RGS6: variants seen among roughly 807,000 people sequenced by gnomAD.
The protein encoded by RGS6 is regulator of G-protein signaling 6.
Under a neutral mutation model 78.5 loss-of-function variants are expected in RGS6, and 30 were observed. The observed-to-expected ratio is 0.38, with a 90% confidence interval of 0.29 to 0.52. RGS6 has a LOEUF of 0.52. Among genes scored for constraint, RGS6 ranks in the 20% least tolerant of loss-of-function variants. RGS6 has a pLI of 0.85. For missense variants in RGS6, 495 were observed against 609.7 expected (o/e 0.81, Z 1.98); for synonymous variants, 206 against 206.0 (o/e 1.00, Z 0.00).
chr14:72,164,131 G>A (rs2096892033), intron 2 of RGS6, among the ~76,000 whole-genome samples: 1 of 152,140 alleles, frequency 6.6e-6, no homozygotes, highest in South Asian at 2.1e-4. Flanking sequence ...CTACCAGTCT[G>A]CCGTGCCTCA....
At chr14:72,155,933 G>A (rs1445773380) in intron 2 of RGS6, among the ~76,000 whole-genome samples, 4 of 152,198 alleles carry the variant, frequency 2.6e-5, no homozygotes, top group African/African-American at 7.2e-5. Context: ...CTGGGAAAAC[G>A]GCCTGGAGCA....
chr14:71,935,969 G>A (rs892077558), intron 1 of RGS6, among the ~76,000 whole-genome samples: 5 of 136,586 alleles, frequency 3.7e-5, no homozygotes, highest in African/African-American at 1.4e-4. Context: ...GTGAAAACTA[G>A]AGGGTTAAGT....
At chr14:72,603,610 C>T in the RGS6 span, among the ~76,000 whole-genome samples, 4 of 152,228 alleles carry the variant, frequency 2.6e-5, no homozygotes, top group Admixed American at 2.0e-4. Context: ...AGACACAGTG[C>T]GTGCCCTCAA....
At chr14:72,044,276 A>G (rs1014715350) in intron 2 of RGS6, among the ~76,000 whole-genome samples, 1 of 152,168 alleles carries the variant, frequency 6.6e-6, no homozygotes, top group African/African-American at 2.4e-5. Context: ...TTGACTTTAG[A>G]AGGGATACCC....
intron 2 of RGS6, among the ~76,000 whole-genome samples, chr14:71,991,140 C>G (rs1468694124): frequency 6.6e-6 from 1 of 152,188 alleles, no homozygotes; most frequent in East Asian, 1.9e-4. Context: ...TGAGACATAT[C>G]CTTTATCTTT....
At chr14:72,536,034 G>A (rs1332776093) in intron 15 of RGS6, 152 bp from the exon 16 acceptor site, 2 of 618,104 alleles carry the variant, frequency 3.2e-6, no homozygotes, top group Non-Finnish European at 5.9e-6. Flanking sequence ...GGGGGTGTGG[G>A]GATGGAACAT....
chr14:72,533,984 C>A (rs1375050290), intron 15 of RGS6, among the ~76,000 whole-genome samples: 1 of 152,228 alleles, frequency 6.6e-6, no homozygotes, highest in Non-Finnish European at 1.5e-5. Context: ...ACGGGATTGA[C>A]TGCAATTTTG....
intron 14 of RGS6, 64 bp from the exon 15 acceptor site, chr14:72,518,287 C>T: frequency 6.7e-7 from 1 of 1,498,678 alleles, no homozygotes; most frequent in South Asian, 1.2e-5. Context: ...GCTCTGGGGC[C>T]ATCTCAGGCA....
At chr14:72,230,752 G>A in intron 2 of RGS6, among the ~76,000 whole-genome samples, 1 of 152,144 alleles carries the variant, frequency 6.6e-6, no homozygotes, top group East Asian at 1.9e-4. Context: ...TTGCTTTTAA[G>A]GCCTTCCAGG....
intron 2 of RGS6, among the ~76,000 whole-genome samples, chr14:71,976,068 C>T (rs2094107966): frequency 6.6e-6 from 1 of 151,664 alleles, no homozygotes; most frequent in Non-Finnish European, 1.5e-5. Flanking sequence ...ATTTAATTTT[C>T]TTTTTATAGT....
chr14:72,200,630 C>T (rs2041285080), intron 2 of RGS6, among the ~76,000 whole-genome samples: 1 of 151,550 alleles, frequency 6.6e-6, no homozygotes, highest in Non-Finnish European at 1.5e-5. Context: ...ACACAGTCCT[C>T]CTCAGTGACT....
chr14:72,463,064 T>C (rs1370537707), intron 6 of RGS6, among the ~76,000 whole-genome samples: 1 of 152,268 alleles, frequency 6.6e-6, no homozygotes, highest in Non-Finnish European at 1.5e-5. Flanking sequence ...TACATGAATG[T>C]GTTCCCTTTA....
chr14:72,081,163 T>C (rs965842891), intron 2 of RGS6, among the ~76,000 whole-genome samples: 1 of 152,148 alleles, frequency 6.6e-6, no homozygotes, highest in African/African-American at 2.4e-5. Context: ...TATCTTTCCA[T>C]ACATGTGTGT....
rs373527136 is a variant in RGS6, at chr14:72,160,105, A to T, written c.85-191990A>T. Among the ~76,000 whole-genome samples the T allele has an allele frequency of 4.6e-5, 7 of 152,330 alleles. No individual in the cohort carries two copies. The East Asian group carries it at 1.2e-3, about 25-fold the overall frequency. ...AATGGCTCAATATTGCCTGGAAAAT[A>T]GTAGGTGCCCAATAAATAGTAAATG... On this transcript the variant is annotated intron_variant, in intron 2 of 17. Coordinates refer to ENST00000553525, the MANE Select transcript of RGS6 (RefSeq NM_001204424.2).
chr14:72,356,829 T>C (rs1279110146), intron 3 of RGS6, among the ~76,000 whole-genome samples: 3 of 152,208 alleles, frequency 2.0e-5, no homozygotes, highest in Admixed American at 2.0e-4. Flanking sequence ...GATTGTAAGT[T>C]TCCTCAGCCG....
intron 2 of RGS6, among the ~76,000 whole-genome samples, chr14:72,306,022 A>G (rs1289317044): frequency 6.6e-6 from 1 of 152,234 alleles, no homozygotes; most frequent in Non-Finnish European, 1.5e-5. Flanking sequence ...TTAAAAGGTC[A>G]ATGCCTGGCT....
chr14:72,433,401 G>T (rs955838533), intron 3 of RGS6, among the ~76,000 whole-genome samples: 90 of 151,912 alleles, frequency 5.9e-4, no homozygotes, highest in Non-Finnish European at 1.1e-3. Flanking sequence ...TTAATACCTA[G>T]GTGATGGGTT....
At chr14:71,897,678 GC>G in the RGS6 span, among the ~76,000 whole-genome samples, 23,473 of 151,758 alleles carry the variant, frequency 0.15, 2,699 homozygotes, top group African/African-American at 0.32. Flanking sequence ...CCACCACCAC[GC>G]CCAGCTAATT....
chr14:72,216,082 TA>T (rs980208556), intron 2 of RGS6, among the ~76,000 whole-genome samples: 2 of 152,224 alleles, frequency 1.3e-5, no homozygotes, highest in East Asian at 1.9e-4. Flanking sequence ...CTCTATCATC[TA>T]AAGATCTCAC....
Sources: allele counts gnomAD v4.1 joint callset (sites outside exome capture counted in the v4.1 genomes callset), GRCh38; gene constraint gnomAD v4.1.1; transcripts MANE v1.5; gene names NCBI Gene and HGNC (gene_info 2026-07-23, HGNC 2026-07-21).